The following ARHGEF11 variants were observed in gnomAD, a reference collection of about 807,000 sequenced individuals.
ARHGEF11 encodes the protein Rho guanine nucleotide exchange factor 11.
In ARHGEF11, 55 loss-of-function variants were observed where a neutral mutation model predicts 193.7. The ratio of observed to expected loss-of-function variants is 0.28; its 90% confidence interval spans 0.23 to 0.36. The LOEUF is 0.36. Among genes scored for constraint, ARHGEF11 ranks in the 10% least tolerant of loss-of-function variants. The pLI is 1.00. For missense variants in ARHGEF11, 1,723 were observed against 2,005.6 expected, an observed-to-expected ratio of 0.86 and a Z score of 2.69; for synonymous variants, 693 against 768.0, an observed-to-expected ratio of 0.90 and a Z score of 1.62.
Position 156,955,761 on chromosome 1 carries a change from G to A in ARHGEF11, c.1710C>T (p.Asp570=), listed in dbSNP as rs981398418. The A allele has an allele frequency of 4.3e-6, 7 of 1,614,160 alleles. No individual in the cohort carries two copies. Among genetic ancestry groups the A allele is most frequent in the East Asian group, 2.2e-5 (1 of 44,890 alleles). Reference sequence around the variant, plus strand: ...ATTTGAGGATAGGGTTTCGCTTCTTGTCCTCCAAGGCATCCTTTTCTTTCT... The same window carrying A: ...ATTTGAGGATAGGGTTTCGCTTCTTATCCTCCAAGGCATCCTTTTCTTTCT... ...NSKKEKDALE[D]KKRNPILKYI... The change falls in exon 20 of 41, where the codon GAC becomes GAT. Residue 570 remains aspartate (D), a synonymous_variant. Transcript: ENST00000368194.
At chr1:156,991,479 C>G (rs1045283311) in intron 1 of ARHGEF11, among the ~76,000 whole-genome samples, 2 of 151,852 alleles carry the variant, frequency 1.3e-5, no homozygotes, top group Non-Finnish European at 2.9e-5. Context: ...ACCACCACGC[C>G]TGGCTAATTT....
At chr1:157,032,875 C>T (rs1424490560) in intron 1 of ARHGEF11, among the ~76,000 whole-genome samples, 1 of 152,176 alleles carries the variant, frequency 6.6e-6, no homozygotes, top group Non-Finnish European at 1.5e-5. Context: ...CCTCTCTTTA[C>T]TTTGGAGGTT....
rs1354943496 is a variant in ARHGEF11 at position 156,946,089 on chromosome 1, G to C, written c.2768C>G (p.Thr923Ser). Reference protein sequence around the residue: ...DLIISEMQRLTKYPLLLESII... With the variant: ...DLIISEMQRLSKYPLLLESII... ...GCTCTCCAGCAGCAGCGGGTACTTG[G>C]TGAGCCGCTGCATCTCAGAGATGAT... Residue 923 changes from threonine to serine, a missense_variant, in exon 29 of 41, where the codon ACC (threonine) becomes AGC (serine). By Grantham distance (58) the Thr-to-Ser change is moderately conservative (BLOSUM62 1). Coordinates refer to ENST00000368194, the MANE Select transcript of ARHGEF11 (RefSeq NM_198236.3). The C allele has an allele frequency of 6.2e-7, 1 of 1,613,636 alleles. No homozygotes were observed. The highest frequency in any genetic ancestry group is 1.3e-5 in the African/African-American group (1 of 75,036).
At chr1:156,955,501 C>A (rs150122401) in intron 20 of ARHGEF11, among the ~76,000 whole-genome samples, 1 of 152,146 alleles carries the variant, frequency 6.6e-6, no homozygotes, top group African/African-American at 2.4e-5. Flanking sequence ...GGGACCGGCA[C>A]GGCTTCCCTG....
At chr1:156,959,530 A>G (rs551598452) in intron 15 of ARHGEF11, among the ~76,000 whole-genome samples, 5 of 152,188 alleles carry the variant, frequency 3.3e-5, no homozygotes, top group African/African-American at 9.6e-5. Context: ...AGCACTTCAC[A>G]CTCCATGAAA....
chr1:157,012,805 T>G (rs1433223732), intron 1 of ARHGEF11, among the ~76,000 whole-genome samples: 1 of 152,210 alleles, frequency 6.6e-6, no homozygotes, highest in Admixed American at 6.5e-5. Flanking sequence ...TGGTGTGTAG[T>G]AGATGCTATA....
Position 156,935,913 on chromosome 1 carries a change from G to T in ARHGEF11, c.*87C>A. ...AACTGCCTCCTCCACAGGGAGGAGTGTTGGGATCCCCCCTACCCTGTGCCC... is the reference window on the plus strand; with the variant it reads ...AACTGCCTCCTCCACAGGGAGGAGTTTTGGGATCCCCCCTACCCTGTGCCC... On this transcript the variant is annotated 3_prime_UTR_variant, in exon 41 of 41. Transcript: ENST00000368194. 1 of 1,436,278 alleles carries T rather than the reference G, an allele frequency of 7.0e-7. No homozygotes were observed. Among genetic ancestry groups the T allele is most frequent in the Admixed American group, 2.1e-5 (1 of 47,252 alleles). 89.0% of individuals were successfully genotyped at this position (1,436,278 alleles called of 1,614,324 possible).
chr1:156,972,661 C>G (rs1197945326), intron 7 of ARHGEF11, among the ~76,000 whole-genome samples: 1 of 152,200 alleles, frequency 6.6e-6, no homozygotes, highest in Non-Finnish European at 1.5e-5. Flanking sequence ...ACAAATTCCC[C>G]ATACTTAATA....
rs145106221 is a variant in ARHGEF11, at chr1:156,942,713, T to C, written c.3303A>G (p.Ala1101=). The change falls in exon 33 of 41, where the codon GCA becomes GCG. Residue 1101 remains alanine, a synonymous_variant. Transcript: ENST00000368194. ...ACGTGTTCTTGTCTGATGACGTCAA[T>C]GCAACCAGCTCATAGATCTGGGGTG... ...LGPPQIYELV[A]LTSSDKNTWM... 1.3e-4 allele frequency: 208 copies of C among 1,614,164 alleles called. No individual in the cohort carries two copies. The African/African-American group carries it at 2.5e-3, about 19-fold the overall frequency.
At chr1:157,031,756 C>T (rs571787892) in intron 1 of ARHGEF11, among the ~76,000 whole-genome samples, 1 of 152,316 alleles carries the variant, frequency 6.6e-6, no homozygotes, top group East Asian at 1.9e-4. Context: ...GATCCCTACT[C>T]CCACCCCTTG....
chr1:156,954,794 G>C lies in ARHGEF11; in HGVS notation c.1798+98C>G, dbSNP rs1413030117. ...AAAGAAAGGGAGGGAGGAGGAACAG[G>C]ATGGGAGATGATGAGAAAGAAACAG... On this transcript the variant is annotated intron_variant, in intron 21 of 40. Coordinates refer to ENST00000368194, the MANE Select transcript of ARHGEF11 (RefSeq NM_198236.3). The C allele has an allele frequency of 3.0e-6, 3 of 1,002,308 alleles. No individual in the cohort carries two copies. The East Asian group carries it at 7.1e-5, about 24-fold the overall frequency. 62.1% of individuals were successfully genotyped at this position (1,002,308 alleles called of 1,614,324 possible). A position where few individuals can be genotyped will look rare whatever the true frequency, so the allele number is the denominator to read the frequency against.
chr1:157,023,576 G>A (rs1670255631), intron 1 of ARHGEF11, among the ~76,000 whole-genome samples: 1 of 152,138 alleles, frequency 6.6e-6, no homozygotes, highest in South Asian at 2.1e-4. Context: ...GATCAGCCTG[G>A]CCAACATGGT....
chr1:157,018,525 G>C (rs1440389680), intron 1 of ARHGEF11, among the ~76,000 whole-genome samples: 1 of 151,942 alleles, frequency 6.6e-6, no homozygotes, highest in Non-Finnish European at 1.5e-5. Flanking sequence ...GGCGCCTGTA[G>C]TCCCAGTTAC....
In ARHGEF11 at chr1:156,969,349, G is replaced by C. The variant is rs1228259204; in HGVS notation, c.758C>G (p.Ser253Cys). 6.2e-7 allele frequency: 1 copy of C among 1,608,260 alleles called. No individual in the cohort carries two copies. Among genetic ancestry groups the C allele is most frequent in the East Asian group, 2.2e-5 (1 of 44,796 alleles). The change falls in exon 10 of 41, where the codon TCT (serine) becomes TGT (cysteine). Residue 253 changes from serine (S) to cysteine (C), a missense_variant. This residue lies in a region of ARHGEF11 where 646 missense variants were observed against 710.7 expected (regional missense o/e 0.91). Transcript: ENST00000368194. ...ACTGTCCCCCTCCTGGGAATCCAGAGAGAGCCGGCCTGAGAAGAAAATAGT... is the reference window on the plus strand; with the variant it reads ...ACTGTCCCCCTCCTGGGAATCCAGACAGAGCCGGCCTGAGAAGAAAATAGT... ...TSQRPSEGRL[S>C]LDSQEGDSGL...
In ARHGEF11 at chr1:157,044,149, C is replaced by T; in HGVS notation, c.32+150G>A. On this transcript the variant is annotated intron_variant, in intron 1 of 40. Transcript: ENST00000368194. Reference sequence around the variant, plus strand: ...ATGTTTTTGCACATAACCACATAGGCTGACAGTCCCCAGAGACTAATGCTC... The same window carrying T: ...ATGTTTTTGCACATAACCACATAGGTTGACAGTCCCCAGAGACTAATGCTC... 4 of 733,458 alleles carry T rather than the reference C, an allele frequency of 5.5e-6. No individual in the cohort carries two copies. In the East Asian group the frequency reaches 1.0e-4, roughly 18 times the overall value. 45.4% of individuals were successfully genotyped at this position (733,458 alleles called of 1,614,324 possible).
intron 17 of ARHGEF11, 139 bp downstream of exon 17, chr1:156,958,603 G>A (rs1228112361): frequency 8.0e-7 from 1 of 1,244,122 alleles, no homozygotes; most frequent in African/African-American, 1.5e-5. Flanking sequence ...TGCAGCAGGA[G>A]TGCAGGACTC....
rs1165636130 is a variant in ARHGEF11 at position 157,045,151 on chromosome 1, G to A, written c.-821C>T. On this transcript the variant is annotated 5_prime_UTR_variant, in exon 1 of 41. Coordinates refer to ENST00000368194, the MANE Select transcript of ARHGEF11 (RefSeq NM_198236.3). ...TTTTTACCTTTAAGATGGTAGTAATGATAACAAACCAGAGATAATCTCTGA... is the reference window on the plus strand; with the variant it reads ...TTTTTACCTTTAAGATGGTAGTAATAATAACAAACCAGAGATAATCTCTGA... 2 of 151,852 alleles carry A rather than the reference G, an allele frequency of 1.3e-5. No individual in the cohort carries two copies. Among genetic ancestry groups the A allele is most frequent in the Non-Finnish European group, 2.9e-5 (2 of 67,992 alleles). The allele number at this position is 151,852 out of a possible 1,614,324, so 9.4% of individuals were successfully genotyped here.
Position 156,944,016 on chromosome 1 carries a change from C to T in ARHGEF11, c.3154G>A (p.Ala1052Thr). 1 of 1,614,194 alleles carries T rather than the reference C, an allele frequency of 6.2e-7. No homozygotes were observed. Among genetic ancestry groups the T allele is most frequent in the Non-Finnish European group, 8.5e-7 (1 of 1,180,016 alleles). Residue 1052 changes from alanine to threonine, a missense_variant, in exon 32 of 41, where the codon GCT becomes ACT. Around this residue, in one of 5 missense-constraint regions of ARHGEF11, gnomAD observed 491 missense variants for 654.5 expected, o/e 0.75. Coordinates refer to ENST00000368194, the MANE Select transcript of ARHGEF11 (RefSeq NM_198236.3). ...KLLLKCHSKT[A>T]VGSSDSKQTF... Reference sequence around the variant, plus strand: ...TGCTTGCTGTCTGAGGAGCCCACAGCAGTCTTGCTGTGGCACTTCAGCAAT... The same window carrying T: ...TGCTTGCTGTCTGAGGAGCCCACAGTAGTCTTGCTGTGGCACTTCAGCAAT...
Position 156,948,200 on chromosome 1 carries a change from T to A in ARHGEF11, c.2134A>T (p.Thr712Ser), listed in dbSNP as rs149660932. Residue 712 changes from threonine (T) to serine (S), a missense_variant, in exon 24 of 41, where the codon ACT (threonine) becomes TCT (serine). Coordinates refer to ENST00000368194, the MANE Select transcript of ARHGEF11 (RefSeq NM_198236.3). This position sits in a 1 kb window ranked among gnomAD's most constrained non-coding sequence, Gnocchi z 4.2. The part of the protein sequence containing the change: ...RSLENPTPPF[T>S]PKMGRRSIES... ...ACTTACCTGCGGCCCATTTTGGGAG[T>A]GAATGGAGGGGTTGGGTTCTCAAGA... 8.9e-6 allele frequency: 14 copies of A among 1,571,084 alleles called. No individual in the cohort carries two copies. Among genetic ancestry groups the A allele is most frequent in the Non-Finnish European group, 1.0e-5 (12 of 1,156,524 alleles).
Sources: allele counts gnomAD v4.1 joint callset (sites outside exome capture counted in the v4.1 genomes callset), GRCh38; gene constraint gnomAD v4.1.1; regional missense constraint gnomAD v4.1.1; non-coding constraint Gnocchi (gnomAD v3.1); transcripts MANE v1.5; gene names NCBI Gene and HGNC (gene_info 2026-07-23, HGNC 2026-07-21).